The following BMPR1A variants were observed in gnomAD, a reference collection of about 807,000 sequenced individuals.
BMPR1A encodes the protein bone morphogenetic protein receptor type 1A.
A neutral mutation model predicts 66.0 loss-of-function variants in BMPR1A; 7 were observed. The observed-to-expected ratio is 0.11, with a 90% CI of 0.06 to 0.20. BMPR1A has a LOEUF of 0.20. Ranked by LOEUF, BMPR1A falls within the 10% of genes least tolerant of loss-of-function variation. The probability of loss-of-function intolerance (pLI) is 1.00; values close to 1 mark genes in which losing one functional copy is unlikely to be tolerated. For synonymous variants in BMPR1A, 200 were observed against 229.7 expected (o/e 0.87, Z 1.17); for missense variants, 408 against 669.1 (o/e 0.61, Z 4.31).
chr10:86,903,123 T>C (rs1843335092), intron 7 of BMPR1A, among the ~76,000 whole-genome samples: 1 of 152,106 alleles, frequency 6.6e-6, no homozygotes, highest in African/African-American at 2.4e-5. Flanking sequence ...ATATCTGGCA[T>C]CCAACAAGGT....
At position 86,825,677 on chromosome 10, in the gene BMPR1A, A is replaced by C. The variant is rs185248628; in HGVS notation, c.-267-13188A>C. Among the ~76,000 whole-genome samples, 22 of 152,166 alleles carry C rather than the reference A, an allele frequency of 1.4e-4. No homozygotes were observed. In the East Asian group the frequency reaches 3.9e-3, roughly 27 times the overall value. On this transcript the variant is annotated intron_variant, in intron 1 of 12. Coordinates refer to ENST00000372037, the MANE Select transcript of BMPR1A (RefSeq NM_004329.3). ...TTTTTTGTGGAAATATGGTCTTGCTATGTTGCCCACACTGGTCTTGAACTC... is the reference window on the plus strand; with the variant it reads ...TTTTTTGTGGAAATATGGTCTTGCTCTGTTGCCCACACTGGTCTTGAACTC...
intron 2 of BMPR1A, among the ~76,000 whole-genome samples, chr10:86,846,236 G>T (rs530646430): frequency 2.6e-5 from 4 of 152,278 alleles, no homozygotes; most frequent in South Asian, 4.1e-4. Flanking sequence ...GGCAGTGGCA[G>T]TAGTTAGGTC....
chr10:86,915,662 A>T (rs1843557190), intron 8 of BMPR1A, among the ~76,000 whole-genome samples: 1 of 152,126 alleles, frequency 6.6e-6, no homozygotes, highest in Admixed American at 6.5e-5. Flanking sequence ...GGGGAGGCAG[A>T]AGTTGCAGTG....
intron 1 of BMPR1A, among the ~76,000 whole-genome samples, chr10:86,765,669 T>TA (rs1294662495): frequency 6.6e-6 from 1 of 152,096 alleles, no homozygotes; most frequent in East Asian, 1.9e-4. Flanking sequence ...GAAACTCTAG[T>TA]ATAGTTTCCC....
chr10:86,767,929 G>A (rs1177732841), intron 1 of BMPR1A, among the ~76,000 whole-genome samples: 2 of 152,136 alleles, frequency 1.3e-5, no homozygotes, highest in Admixed American at 1.3e-4. Flanking sequence ...TGTCCTAAGG[G>A]TCCATTTGTC....
intron 2 of BMPR1A, among the ~76,000 whole-genome samples, chr10:86,871,464 C>T (rs754825138): frequency 4.6e-5 from 7 of 152,136 alleles, no homozygotes; most frequent in Non-Finnish European, 8.8e-5. Context: ...AATAATTCAA[C>T]GGCAAGAACA....
chr10:86,920,766 A>C (rs1843650077), intron 10 of BMPR1A, among the ~76,000 whole-genome samples: 1 of 152,146 alleles, frequency 6.6e-6, no homozygotes, highest in Non-Finnish European at 1.5e-5. Context: ...TGAGAGTGGT[A>C]AAAGCAAGCG....
At chr10:86,773,971 C>G (rs1056232575) in intron 1 of BMPR1A, among the ~76,000 whole-genome samples, 14 of 151,816 alleles carry the variant, frequency 9.2e-5, no homozygotes, top group Admixed American at 6.6e-5. Flanking sequence ...CTGCCTCAGC[C>G]TCCTGAGTAG....
intron 1 of BMPR1A, among the ~76,000 whole-genome samples, chr10:86,790,176 AAAAAAAAAAAAAATAT>A (rs1391373279): frequency 5.3e-4 from 23 of 43,016 alleles, no homozygotes; most frequent in African/African-American, 1.3e-3. Flanking sequence ...AAAAAAAAAA[AAAAAAAAAAAAAATAT>A]ATATATATAT....
rs587782578 is a variant in BMPR1A at position 86,917,218 on chromosome 10, C to T, written c.760C>T (p.Arg254Cys). Reference protein sequence around the residue: ...RYGEVWMGKWRGEKVAVKVFF... With the variant: ...RYGEVWMGKWCGEKVAVKVFF... ...TGGAGAAGTATGGATGGGCAAATGG[C>T]GTGGCGAAAAAGTGGCGGTGAAAGT... is the stretch of plus-strand genomic sequence containing the variant. Residue 254 changes from arginine (R) to cysteine (C), a missense_variant, in exon 9 of 13, where the codon CGT becomes TGT. By Grantham distance (180) the Arg-to-Cys change is radical. Around this residue, in one of 5 missense-constraint regions of BMPR1A, gnomAD observed 174 missense variants for 265.1 expected, o/e 0.66. Transcript: ENST00000372037. 81 of 1,613,754 alleles carry T rather than the reference C, an allele frequency of 5.0e-5. No homozygotes were observed. Among genetic ancestry groups the T allele is most frequent in the Non-Finnish European group, 3.6e-5 (43 of 1,179,876 alleles).
chr10:86,860,422 G>C (rs1842698513), intron 2 of BMPR1A, among the ~76,000 whole-genome samples: 1 of 152,140 alleles, frequency 6.6e-6, no homozygotes, highest in Non-Finnish European at 1.5e-5. Context: ...GTTGATGTGT[G>C]TTTAAACTAG....
intron 3 of BMPR1A, among the ~76,000 whole-genome samples, chr10:86,888,696 A>T (rs1177584029): frequency 1.3e-5 from 2 of 151,788 alleles, no homozygotes; most frequent in African/African-American, 4.8e-5. Context: ...GCATGGTGGC[A>T]TGTGCCCTTG....
At chr10:86,893,283 T>C (rs1349529354) in intron 5 of BMPR1A, among the ~76,000 whole-genome samples, 2 of 152,082 alleles carry the variant, frequency 1.3e-5, no homozygotes, top group African/African-American at 4.8e-5. Context: ...TCAGTGGAGC[T>C]CTTTAAAAGC....
intron 2 of BMPR1A, chr10:86,855,801 T>C: frequency 1.8e-6 from 2 of 1,140,532 alleles, no homozygotes; most frequent in Non-Finnish European, 2.5e-6. Context: ...TTTGGTCTGT[T>C]TCCTGGTAGA....
chr10:86,927,129 C>T lies in BMPR1A; in HGVS notation c.*3410C>T. On this transcript the variant is annotated 3_prime_UTR_variant, in exon 13 of 13. Coordinates refer to ENST00000372037, the MANE Select transcript of BMPR1A (RefSeq NM_004329.3). The stretch of plus-strand genomic sequence containing the variant: ...CTAGAACGTGCCAAATTTTGATTTA[C>T]TCTAACAATCAGTACTTTTCTTCAG... 1 of 186,412 alleles carries T rather than the reference C, an allele frequency of 5.4e-6. No individual in the cohort carries two copies. The highest frequency in any genetic ancestry group is 8.7e-5 in the East Asian group (1 of 11,486). The allele number at this position is 186,412 out of a possible 1,614,324, so 11.5% of individuals were successfully genotyped here. A position where few individuals can be genotyped will look rare whatever the true frequency, so the allele number is the denominator to read the frequency against.
At chr10:86,815,739 C>T (rs1842028574) in intron 1 of BMPR1A, among the ~76,000 whole-genome samples, 1 of 152,200 alleles carries the variant, frequency 6.6e-6, no homozygotes, top group South Asian at 2.1e-4. Context: ...GGCCAAGTGC[C>T]TACCTGTGGC....
chr10:86,815,579 C>T (rs1329460326), intron 1 of BMPR1A, among the ~76,000 whole-genome samples: 3 of 152,174 alleles, frequency 2.0e-5, no homozygotes, highest in Non-Finnish European at 4.4e-5. Context: ...TCAGTCTTTA[C>T]CTCTCTCAAG....
At chr10:86,890,021 T>C in intron 3 of BMPR1A, 41 bp from the exon 4 acceptor site, 1 of 1,608,568 alleles carries the variant, frequency 6.2e-7, no homozygotes, top group Non-Finnish European at 8.5e-7. Context: ...CAATGAGCTT[T>C]TCAGAAATGA....
chr10:86,762,349 G>A (rs552494234), intron 1 of BMPR1A, among the ~76,000 whole-genome samples: 2 of 152,284 alleles, frequency 1.3e-5, no homozygotes, highest in African/African-American at 4.8e-5. Flanking sequence ...GCCTAAAACA[G>A]CATTGAGAAT....
Sources: gnomAD v4.1 joint callset for allele counts (sites outside exome capture counted in the v4.1 genomes callset) on GRCh38, gnomAD v4.1.1 for gene constraint, gnomAD v4.1.1 regional missense constraint, MANE v1.5 for transcripts, NCBI Gene and HGNC (gene_info 2026-07-23, HGNC 2026-07-21) for gene names.